Variants in COMMD2 observed in about 807,000 individuals in gnomAD.
The protein encoded by COMMD2 is COMM domain-containing protein 2.
Under a neutral mutation model 22.5 loss-of-function variants are expected in COMMD2, and 25 were observed. The ratio of observed to expected loss-of-function variants is 1.11; its 90% confidence interval spans 0.81 to 1.55. COMMD2 has a LOEUF of 1.55. Ranked by LOEUF, COMMD2 falls within the 40% of genes most tolerant of loss-of-function variation. COMMD2 has a pLI of 0.00. For missense variants in COMMD2, 223 were observed against 232.9 expected, an observed-to-expected ratio of 0.96 and a Z score of 0.28; for synonymous variants, 98 against 91.2, an observed-to-expected ratio of 1.07 and a Z score of -0.42.
In COMMD2 at chr3:149,741,022, T is replaced by G. The variant is rs1220294908; in HGVS notation, c.*499A>C. On this transcript the variant is annotated 3_prime_UTR_variant, in exon 5 of 5. Coordinates refer to ENST00000473414, the MANE Select transcript of COMMD2 (RefSeq NM_016094.4). ...GTTAGCACCAGGAAAGGAACTTTAC[T>G]TTAGCTTCTGATTACTTTTTTATTT... is the stretch of plus-strand genomic sequence containing the variant. 6.6e-6 allele frequency: 1 copy of G among 152,602 alleles called. No homozygotes were observed. Among genetic ancestry groups the G allele is most frequent in the African/African-American group, 2.4e-5 (1 of 41,430 alleles). 9.5% of individuals were successfully genotyped at this position (152,602 alleles called of 1,614,324 possible).
chr3:149,747,131 T>C (rs1231953485), intron 4 of COMMD2, among the ~76,000 whole-genome samples: 1 of 152,336 alleles, frequency 6.6e-6, no homozygotes, highest in African/African-American at 2.4e-5. Context: ...GTTTGGAACA[T>C]ATTGCCTTTG....
intron 4 of COMMD2, among the ~76,000 whole-genome samples, chr3:149,746,909 T>C (rs1716387036): frequency 6.6e-6 from 1 of 152,190 alleles, no homozygotes; most frequent in Admixed American, 6.5e-5. Flanking sequence ...GGAGAGAGAA[T>C]GAACGCCAGA....
intron 4 of COMMD2, among the ~76,000 whole-genome samples, chr3:149,742,277 T>C (rs1158449130): frequency 6.6e-6 from 1 of 152,096 alleles, no homozygotes; most frequent in African/African-American, 2.4e-5. Context: ...TAGCAAAAAT[T>C]AAAAACCTGT....
intron 4 of COMMD2, 34 bp from the exon 5 acceptor site, chr3:149,741,752 A>C: frequency 6.8e-7 from 1 of 1,481,138 alleles, no homozygotes; most frequent in Admixed American, 1.7e-5. Flanking sequence ...CACAGTAACT[A>C]TTTAATAACC....
In COMMD2 at chr3:149,751,493, A is replaced by C. The variant is rs748565273; in HGVS notation, c.146-8T>G. ...TACTCACATTGAGTTTTCCTGAGAA[A>C]GAAAAGTAAAAACGAGCAAATAAAT... is the stretch of plus-strand genomic sequence containing the variant. On this transcript the variant is annotated splice_region_variant and splice_polypyrimidine_tract_variant and intron_variant, in intron 2 of 4. Coordinates refer to ENST00000473414, the MANE Select transcript of COMMD2 (RefSeq NM_016094.4). 6.3e-7 allele frequency: 1 copy of C among 1,581,662 alleles called. No homozygotes were observed. Among genetic ancestry groups the C allele is most frequent in the Admixed American group, 1.9e-5 (1 of 53,914 alleles).
In COMMD2 at chr3:149,739,280, C is replaced by T. The variant is rs1416250407; in HGVS notation, c.*2241G>A. On this transcript the variant is annotated 3_prime_UTR_variant, in exon 5 of 5. Coordinates refer to ENST00000473414, the MANE Select transcript of COMMD2 (RefSeq NM_016094.4). ...AATATCAAATGTTATATAAAACAAA[C>T]AATGCAGGGGAATCCACAAGGATGT... 1 of 151,950 alleles carries T rather than the reference C, an allele frequency of 6.6e-6. No individual in the cohort carries two copies. The highest frequency in any genetic ancestry group is 1.5e-5 in the Non-Finnish European group (1 of 67,968). The allele number at this position is 151,950 out of a possible 1,614,324, so 9.4% of individuals were successfully genotyped here. A position where few individuals can be genotyped will look rare whatever the true frequency, so the allele number is the denominator to read the frequency against.
chr3:149,743,380 G>T (rs762510708), intron 4 of COMMD2, among the ~76,000 whole-genome samples: 5 of 152,096 alleles, frequency 3.3e-5, no homozygotes, highest in Non-Finnish European at 7.4e-5. Context: ...TCTTGTTATA[G>T]GAGAAAGCAA....
Position 149,752,405 on chromosome 3 carries a change from C to T in COMMD2, c.40G>A (p.Ala14Thr). 1 of 1,614,140 alleles carries T rather than the reference C, an allele frequency of 6.2e-7. No homozygotes were observed. Among genetic ancestry groups the T allele is most frequent in the Non-Finnish European group, 8.5e-7 (1 of 1,179,988 alleles). The stretch of plus-strand genomic sequence containing the variant: ...GCGCTGTCCACTTGAGGCAGGAAGG[C>T]CAGGTGTTCCTTATGCTCCTCGGAC... The part of the protein sequence containing the change: ...ELSEEHKEHL[A>T]FLPQVDSAVV... The change falls in exon 1 of 5, where the codon GCC becomes ACC. Residue 14 changes from alanine to threonine, a missense_variant. Coordinates refer to ENST00000473414, the MANE Select transcript of COMMD2 (RefSeq NM_016094.4).
intron 3 of COMMD2, 115 bp from the exon 4 acceptor site, chr3:149,750,966 G>T: frequency 1.5e-6 from 1 of 683,620 alleles, no homozygotes; most frequent in Non-Finnish European, 2.2e-6. Context: ...AAAAGAAACA[G>T]CATTCCTTAA....
chr3:149,746,566 T>C (rs1716375376), intron 4 of COMMD2, among the ~76,000 whole-genome samples: 2 of 149,418 alleles, frequency 1.3e-5, no homozygotes, highest in African/African-American at 2.5e-5. Context: ...GATCAGGAGA[T>C]CGAGACCATT....
chr3:149,751,426 G>C lies in COMMD2; in HGVS notation c.205C>G (p.Leu69Val), dbSNP rs752317197. The C allele has an allele frequency of 6.2e-7, 1 of 1,613,950 alleles. No individual in the cohort carries two copies. The highest frequency in any genetic ancestry group is 8.5e-7 in the Non-Finnish European group (1 of 1,179,942). ...QHGVEGLTYLLTESSKLMISE... is the reference protein window; with the variant it reads ...QHGVEGLTYLVTESSKLMISE... ...ACCATGAGCTTTGAGCTCTCAGTGA[G>C]GAGATACGTTAATCCTTCCACACCA... The change falls in exon 3 of 5, where the codon CTC becomes GTC. Residue 69 changes from leucine (L) to valine (V), a missense_variant. Transcript: ENST00000473414.
At chr3:149,750,445 C>A in intron 4 of COMMD2, 3 of 531,258 alleles carry the variant, frequency 5.6e-6, no homozygotes, top group Non-Finnish European at 1.0e-5. Flanking sequence ...ATCTATATAA[C>A]CATCTCCTTT....
At position 149,741,432 on chromosome 3, in the gene COMMD2, G is replaced by T; in HGVS notation, c.*89C>A. Reference sequence around the variant, plus strand: ...AGGAATACTATGTATTTATCATCATGAATTAATAAAAAATTAATTTTGAAA... The same window carrying T: ...AGGAATACTATGTATTTATCATCATTAATTAATAAAAAATTAATTTTGAAA... On this transcript the variant is annotated 3_prime_UTR_variant, in exon 5 of 5. Transcript: ENST00000473414. The T allele has an allele frequency of 2.0e-6, 2 of 1,005,926 alleles. No homozygotes were observed. Among genetic ancestry groups the T allele is most frequent in the Non-Finnish European group, 3.1e-6 (2 of 650,730 alleles). 62.3% of individuals were successfully genotyped at this position (1,005,926 alleles called of 1,614,324 possible). A position where few individuals can be genotyped will look rare whatever the true frequency, so the allele number is the denominator to read the frequency against.
intron 4 of COMMD2, among the ~76,000 whole-genome samples, chr3:149,742,521 T>G (rs1559854140): frequency 1.3e-5 from 2 of 152,140 alleles, no homozygotes; most frequent in Non-Finnish European, 2.9e-5. Flanking sequence ...CACAATGAAT[T>G]GCTTACTAAA....
At position 149,740,586 on chromosome 3, in the gene COMMD2, T is replaced by C. The variant is rs1355514723; in HGVS notation, c.*935A>G. ...CATGATCACTCAAACTTAGGCAATA[T>C]GATACTTATCATCTTCATATACAAA... On this transcript the variant is annotated 3_prime_UTR_variant, in exon 5 of 5. Coordinates refer to ENST00000473414, the MANE Select transcript of COMMD2 (RefSeq NM_016094.4). 1.3e-5 allele frequency: 2 copies of C among 152,198 alleles called. No individual in the cohort carries two copies. Among genetic ancestry groups the C allele is most frequent in the African/African-American group, 4.8e-5 (2 of 41,464 alleles). The allele number at this position is 152,198 out of a possible 1,614,324, so 9.4% of individuals were successfully genotyped here.
chr3:149,746,807 A>G (rs1439172193), intron 4 of COMMD2, among the ~76,000 whole-genome samples: 1 of 152,150 alleles, frequency 6.6e-6, no homozygotes, highest in Non-Finnish European at 1.5e-5. Context: ...GAAAGAAAGA[A>G]AAGAAGTTTA....
At chr3:149,742,599 A>G (rs1339310918) in intron 4 of COMMD2, among the ~76,000 whole-genome samples, 1 of 152,248 alleles carries the variant, frequency 6.6e-6, no homozygotes, top group Non-Finnish European at 1.5e-5. Flanking sequence ...GTTGAAAAAA[A>G]GCAAGTCACA....
At chr3:149,748,340 A>G (rs1576659834) in intron 4 of COMMD2, among the ~76,000 whole-genome samples, 1 of 152,318 alleles carries the variant, frequency 6.6e-6, no homozygotes, top group African/African-American at 2.4e-5. Flanking sequence ...AGCAAGGTCA[A>G]CACCTAAGCA....
chr3:149,750,040 C>A (rs975942409), intron 4 of COMMD2, among the ~76,000 whole-genome samples: 2 of 152,202 alleles, frequency 1.3e-5, no homozygotes. Context: ...TACACATCTA[C>A]TAACTCATCT....
Sources: allele counts gnomAD v4.1 joint callset (sites outside exome capture counted in the v4.1 genomes callset), GRCh38; gene constraint gnomAD v4.1.1; transcripts MANE v1.5; gene names NCBI Gene and HGNC (gene_info 2026-07-23, HGNC 2026-07-21).